The following TNR variants were observed in gnomAD, a reference collection of about 807,000 sequenced individuals.
TNR encodes tenascin-R.
Under a neutral mutation model 150.4 loss-of-function variants are expected in TNR, and 45 were observed. The ratio of observed to expected loss-of-function variants is 0.30; its 90% CI spans 0.24 to 0.38. The LOEUF (loss-of-function observed/expected upper bound fraction) is 0.38, where lower values mean the gene tolerates loss of function less well. Ranked by LOEUF, TNR falls within the 10% of genes least tolerant of loss-of-function variation. The probability of loss-of-function intolerance (pLI) is 1.00; values close to 1 mark genes in which losing one functional copy is unlikely to be tolerated. For missense variants in TNR, 1,544 were observed against 1,759.1 expected (o/e 0.88, Z 2.19); for synonymous variants, 687 against 678.4 (o/e 1.01, Z -0.20).
intron 1 of TNR, among the ~76,000 whole-genome samples, chr1:175,703,791 C>A (rs1432560451): frequency 6.6e-6 from 1 of 152,098 alleles, no homozygotes; most frequent in Non-Finnish European, 1.5e-5. Flanking sequence ...ATGTTTAAAC[C>A]ATCAGATGGG....
intron 1 of TNR, among the ~76,000 whole-genome samples, chr1:175,621,084 A>T (rs1663959806): frequency 6.6e-6 from 1 of 152,108 alleles, no homozygotes; most frequent in Admixed American, 6.5e-5. Flanking sequence ...CGGCATTGCC[A>T]TCGTCCTTGA....
intron 1 of TNR, among the ~76,000 whole-genome samples, chr1:175,630,329 AT>A (rs1279307617): frequency 1.3e-5 from 2 of 152,232 alleles, no homozygotes; most frequent in African/African-American, 4.8e-5. Flanking sequence ...AAGTCTTTTA[AT>A]AGAAACTTTC....
chr1:175,623,478 C>T (rs1219032666), intron 1 of TNR, among the ~76,000 whole-genome samples: 1 of 152,204 alleles, frequency 6.6e-6, no homozygotes, highest in Non-Finnish European at 1.5e-5. Context: ...GATGTTTGCT[C>T]ACAGGACTAT....
intron 2 of TNR, among the ~76,000 whole-genome samples, chr1:175,501,759 T>A (rs1163718278): frequency 1.3e-5 from 2 of 152,220 alleles, no homozygotes; most frequent in African/African-American, 4.8e-5. Context: ...GCCACCTATT[T>A]ACGTCTAAAT....
chr1:175,583,225 G>A (rs1662433216), intron 1 of TNR, among the ~76,000 whole-genome samples: 1 of 152,108 alleles, frequency 6.6e-6, no homozygotes. Flanking sequence ...GAACACAGGT[G>A]GCCATAGTTT....
chr1:175,391,778 G>A (rs922240963), intron 6 of TNR, among the ~76,000 whole-genome samples: 4 of 152,302 alleles, frequency 2.6e-5, no homozygotes, highest in South Asian at 2.1e-4. Flanking sequence ...TGATGGTTGC[G>A]GTTAACATTC....
chr1:175,615,987 C>T (rs151286412), intron 1 of TNR, among the ~76,000 whole-genome samples: 110 of 152,204 alleles, frequency 7.2e-4, no homozygotes, highest in East Asian at 5.8e-4. Context: ...AATGTGTTTA[C>T]CTAAAGTACA....
intron 1 of TNR, among the ~76,000 whole-genome samples, chr1:175,699,132 G>C (rs754322834): frequency 1.3e-5 from 2 of 152,112 alleles, no homozygotes; most frequent in African/African-American, 4.8e-5. Context: ...GAGCCAGCAG[G>C]GTTTGCTAAT....
chr1:175,393,435 A>G (rs1653271548), intron 6 of TNR, among the ~76,000 whole-genome samples: 1 of 152,208 alleles, frequency 6.6e-6, no homozygotes, highest in Non-Finnish European at 1.5e-5. Flanking sequence ...TGTCCTAAAG[A>G]GAAGCCTCAA....
At chr1:175,508,229 A>C (rs2102156389) in intron 2 of TNR, among the ~76,000 whole-genome samples, 1 of 152,314 alleles carries the variant, frequency 6.6e-6, no homozygotes, top group East Asian at 1.9e-4. Context: ...ATATCTATGT[A>C]ACAAACCTAC....
rs774687319 is a variant in TNR, at chr1:175,406,716, C to G, written c.-2G>C. On this transcript the variant is annotated 5_prime_UTR_variant, in exon 3 of 23. Transcript: ENST00000367674. ...CACTGTTTCCCCATCTGCCCCCATC[C>G]TCTCAGCCAGAGATCTGGGTTCAGG... The G allele has an allele frequency of 1.9e-6, 3 of 1,612,950 alleles. No individual in the cohort carries two copies. The highest frequency in any genetic ancestry group is 2.5e-6 in the Non-Finnish European group (3 of 1,179,394).
chr1:175,701,561 G>A (rs892438488), intron 1 of TNR, among the ~76,000 whole-genome samples: 5 of 152,232 alleles, frequency 3.3e-5, no homozygotes, highest in African/African-American at 1.2e-4. Flanking sequence ...GGTTAGAGTT[G>A]AGAAAATAAT....
chr1:175,554,292 T>C (rs1325581241), intron 1 of TNR, among the ~76,000 whole-genome samples: 2 of 145,548 alleles, frequency 1.4e-5, no homozygotes, highest in African/African-American at 2.6e-5. Flanking sequence ...CACAAATACA[T>C]GCTTATACAT....
chr1:175,604,336 C>G (rs1315020998), intron 1 of TNR, among the ~76,000 whole-genome samples: 1 of 152,170 alleles, frequency 6.6e-6, no homozygotes, highest in African/African-American at 2.4e-5. Context: ...TAGCTCCCTT[C>G]TCTCCCCGAC....
chr1:175,425,823 A>G (rs1490691811), intron 2 of TNR, among the ~76,000 whole-genome samples: 1 of 152,182 alleles, frequency 6.6e-6, no homozygotes, highest in Non-Finnish European at 1.5e-5. Context: ...GCAGTGAGTA[A>G]GGTGAAAAAC....
chr1:175,588,730 T>C (rs1477086110), intron 1 of TNR, among the ~76,000 whole-genome samples: 1 of 152,172 alleles, frequency 6.6e-6, no homozygotes, highest in East Asian at 1.9e-4. Flanking sequence ...AATCATACTG[T>C]TATAGATAAC....
intron 2 of TNR, among the ~76,000 whole-genome samples, chr1:175,451,608 T>C (rs1316530810): frequency 2.6e-5 from 4 of 152,166 alleles, no homozygotes; most frequent in African/African-American, 9.6e-5. Context: ...CACTTTTGGA[T>C]ACGCCGTCCC....
chr1:175,406,295 C>A lies in TNR; in HGVS notation c.420G>T (p.Arg140=). The change falls in exon 3 of 23, where the codon CGG becomes CGT. Residue 140 remains arginine (R), a synonymous_variant. Coordinates refer to ENST00000367674, the MANE Select transcript of TNR (RefSeq NM_003285.3). ...SAQVLQELLS[R]IEMLEREVSV... ...ACACCTCCCTCTCCAGCATCTCGAT[C>A]CGGCTCAGCAGCTCCTGCAGCACCT... The A allele has an allele frequency of 6.2e-7, 1 of 1,614,202 alleles. No homozygotes were observed. The highest frequency in any genetic ancestry group is 8.5e-7 in the Non-Finnish European group (1 of 1,180,036).
chr1:175,355,422 T>C, intron 17 of TNR, 81 bp downstream of exon 17: 5 of 1,556,086 alleles, frequency 3.2e-6, no homozygotes. Flanking sequence ...CCCTCCAATG[T>C]CCTGTGGTCA....
Sources: allele counts gnomAD v4.1 joint callset (sites outside exome capture counted in the v4.1 genomes callset), GRCh38; gene constraint gnomAD v4.1.1; transcripts MANE v1.5; gene names NCBI Gene and HGNC (gene_info 2026-07-23, HGNC 2026-07-21).